PCBP2: variants seen among roughly 807,000 people sequenced by gnomAD.
PCBP2 encodes poly(rC)-binding protein 2.
In PCBP2, 4 loss-of-function variants were observed where a neutral mutation model predicts 50.1. That is an observed-to-expected ratio of 0.08 (90% CI 0.04 to 0.18). The LOEUF (loss-of-function observed/expected upper bound fraction) is 0.18, where lower values mean the gene tolerates loss of function less well. Among genes scored for constraint, PCBP2 ranks in the 10% least tolerant of loss-of-function variants. The pLI, the probability that PCBP2 is intolerant of heterozygous loss-of-function variation, is 1.00. For missense variants in PCBP2, 161 were observed against 474.3 expected (o/e 0.34, Z 6.14); for synonymous variants, 179 against 168.0 (o/e 1.07, Z -0.51).
At position 53,452,139 on chromosome 12, in the gene PCBP2, C is replaced by G. The variant is rs1364796116; in HGVS notation, c.-313C>G. Reference sequence around the variant, plus strand: ...GAGGCAGCAGCCGGAGCAGCCGCAGCCTGCGCCCTCTCCCGCCCGCCCGCC... The same window carrying G: ...GAGGCAGCAGCCGGAGCAGCCGCAGGCTGCGCCCTCTCCCGCCCGCCCGCC... On this transcript the variant is annotated 5_prime_UTR_variant, in exon 1 of 15. Coordinates refer to ENST00000546463, the MANE Select transcript of PCBP2 (RefSeq NM_031989.5). 1.4e-5 allele frequency: 2 copies of G among 148,122 alleles called. No individual in the cohort carries two copies. Among genetic ancestry groups the G allele is most frequent in the African/African-American group, 5.0e-5 (2 of 40,154 alleles). The allele number at this position is 148,122 out of a possible 1,614,324, so 9.2% of individuals were successfully genotyped here.
intron 14 of PCBP2, among the ~76,000 whole-genome samples, 199 bp downstream of exon 14, chr12:53,472,006 G>T (rs947183346): frequency 9.1e-4 from 135 of 148,906 alleles, no homozygotes; most frequent in Admixed American, 2.1e-3. Context: ...GGGGTTGGTG[G>T]GGGGGGGAGC....
rs1017517524 is a variant in PCBP2 at position 53,462,647 on chromosome 12, C to T, written c.579+80C>T. ...CAACTTTGCCAGCATCACACCAAGC[C>T]ACTCTGCATGCTTGCTGAAACCTAT... On this transcript the variant is annotated intron_variant, in intron 8 of 14. Transcript: ENST00000546463. The T allele has an allele frequency of 1.3e-5, 15 of 1,128,798 alleles. No homozygotes were observed. In the South Asian group the frequency reaches 1.9e-4, roughly 14 times the overall value. 69.9% of individuals were successfully genotyped at this position (1,128,798 alleles called of 1,614,324 possible). A position where few individuals can be genotyped will look rare whatever the true frequency, so the allele number is the denominator to read the frequency against.
chr12:53,467,159 AT>A, intron 10 of PCBP2, 61 bp from the exon 11 acceptor site: 1 of 1,302,498 alleles, frequency 7.7e-7, no homozygotes, highest in African/African-American at 1.5e-5. Flanking sequence ...TCAAATTCGA[AT>A]GTGCTTGAGC....
At chr12:53,478,461 T>C (rs1159610255) in intron 14 of PCBP2, among the ~76,000 whole-genome samples, 1 of 151,860 alleles carries the variant, frequency 6.6e-6, no homozygotes, top group African/African-American at 2.4e-5. Flanking sequence ...TGAGTTGAGA[T>C]TGCGCCATTG....
chr12:53,462,100 C>T (rs887368148), intron 7 of PCBP2, among the ~76,000 whole-genome samples: 27 of 152,174 alleles, frequency 1.8e-4, no homozygotes, highest in African/African-American at 5.5e-4. Context: ...CTAGACATAA[C>T]ACTTGAGTAC....
At chr12:53,462,345 A>C (rs1356401968) in intron 7 of PCBP2, 148 bp from the exon 8 acceptor site, 4 of 534,496 alleles carry the variant, frequency 7.5e-6, no homozygotes, top group Non-Finnish European at 1.3e-5. Context: ...AGATAAATTG[A>C]GATTAGATCT....
chr12:53,477,990 C>T (rs1373214856), intron 14 of PCBP2, among the ~76,000 whole-genome samples: 6 of 152,216 alleles, frequency 3.9e-5, no homozygotes, highest in Non-Finnish European at 7.3e-5. Flanking sequence ...TTGCTGCCTA[C>T]CTACCTACCA....
At chr12:53,471,843 A>G (rs761620916) in intron 14 of PCBP2, 36 bp downstream of exon 14, 3 of 1,586,596 alleles carry the variant, frequency 1.9e-6, no homozygotes, top group Middle Eastern at 2.2e-4. Flanking sequence ...ATTTATGCCA[A>G]CACAGTAATG....
intron 5 of PCBP2, among the ~76,000 whole-genome samples, chr12:53,458,960 A>G (rs535926449): frequency 1.1e-4 from 17 of 152,220 alleles, no homozygotes; most frequent in Non-Finnish European, 1.9e-4. Flanking sequence ...TAATTTTGAC[A>G]TCATCTTTTT....
chr12:53,456,038 A>G, intron 5 of PCBP2, 37 bp downstream of exon 5: 1 of 1,235,744 alleles, frequency 8.1e-7, no homozygotes, highest in Non-Finnish European at 1.2e-6. Context: ...TTCATTTTTA[A>G]GTGCTTCCAG....
chr12:53,473,374 T>C (rs1942364902), intron 14 of PCBP2, among the ~76,000 whole-genome samples: 1 of 152,234 alleles, frequency 6.6e-6, no homozygotes, highest in Non-Finnish European at 1.5e-5. Context: ...TGAGCCACTA[T>C]GCCCAGCTTG....
At chr12:53,466,469 A>C (rs746298333) in intron 10 of PCBP2, among the ~76,000 whole-genome samples, 1 of 152,150 alleles carries the variant, frequency 6.6e-6, no homozygotes, top group African/African-American at 2.4e-5. Context: ...TCAGAATTCA[A>C]CTCAAACCTT....
At chr12:53,459,594 TA>T (rs1041535554) in intron 6 of PCBP2, among the ~76,000 whole-genome samples, 191 bp downstream of exon 6, 5 of 152,174 alleles carry the variant, frequency 3.3e-5, no homozygotes, top group African/African-American at 1.2e-4. Context: ...TAAATTTTAA[TA>T]AATCAGAACA....
chr12:53,462,724 G>A (rs562686706), intron 8 of PCBP2, among the ~76,000 whole-genome samples, 157 bp downstream of exon 8: 2 of 152,332 alleles, frequency 1.3e-5, no homozygotes, highest in South Asian at 4.1e-4. Context: ...ACTGGAGAAA[G>A]CTGAATGCCT....
In PCBP2 at chr12:53,456,896, T is replaced by C. The variant is rs573294821; in HGVS notation, c.243+895T>C. ...GTGCTGCTTCCTTGGTGGTTGGTAC[T>C]TAATGGTGCATGAAATCTTATCTTT... On this transcript the variant is annotated intron_variant, in intron 5 of 14. Transcript: ENST00000546463. 3.1e-3 allele frequency among the ~76,000 whole-genome samples: 478 copies of C among 151,878 alleles called. 4 individuals carry two copies. Among genetic ancestry groups the C allele is most frequent in the Middle Eastern group, 0.031 (9 of 294 alleles).
chr12:53,466,222 T>A (rs1468276601), intron 10 of PCBP2, among the ~76,000 whole-genome samples: 2 of 152,264 alleles, frequency 1.3e-5, no homozygotes, highest in South Asian at 4.1e-4. Flanking sequence ...TGTTTCAGAT[T>A]ACCCTGTTTC....
At chr12:53,475,688 G>C (rs1160950861) in intron 14 of PCBP2, 7 of 152,702 alleles carry the variant, frequency 4.6e-5, no homozygotes, top group African/African-American at 1.7e-4. Context: ...TAAAGGGTTG[G>C]GGGCTTGTGA....
At chr12:53,452,770 C>T (rs1940656228) in intron 1 of PCBP2, 1 of 152,006 alleles carries the variant, frequency 6.6e-6, no homozygotes, top group Admixed American at 6.6e-5. Context: ...CGGGGAGGCG[C>T]TATTAGTCCG....
At chr12:53,462,103 T>C (rs1473059318) in intron 7 of PCBP2, among the ~76,000 whole-genome samples, 1 of 152,218 alleles carries the variant, frequency 6.6e-6, no homozygotes, top group African/African-American at 2.4e-5. Context: ...GACATAACAC[T>C]TGAGTACTTT....
Sources: gnomAD v4.1 joint callset for allele counts (sites outside exome capture counted in the v4.1 genomes callset) on GRCh38, gnomAD v4.1.1 for gene constraint, MANE v1.5 for transcripts, NCBI Gene and HGNC (gene_info 2026-07-23, HGNC 2026-07-21) for gene names.